CLSTN2: variants seen among roughly 807,000 people sequenced by gnomAD.
The protein encoded by CLSTN2 is calsyntenin-2.
CLSTN2 carries 48 observed loss-of-function variants against 101.2 expected under a neutral mutation model. That is an observed-to-expected ratio of 0.47 (90% CI 0.38 to 0.60). CLSTN2 has a LOEUF of 0.60. Ranked by LOEUF, CLSTN2 falls within the 20% of genes least tolerant of loss-of-function variation. CLSTN2 has a pLI of 0.00. For synonymous variants in CLSTN2, 481 were observed against 463.6 expected, an observed-to-expected ratio of 1.04 and a Z score of -0.48; for missense variants, 1,160 against 1,238.2, an observed-to-expected ratio of 0.94 and a Z score of 0.95.
chr3:140,528,739 T>C (rs1009945782), intron 8 of CLSTN2, among the ~76,000 whole-genome samples: 1 of 152,178 alleles, frequency 6.6e-6, no homozygotes, highest in African/African-American at 2.4e-5. Flanking sequence ...AGTTCTTCAA[T>C]ATCCACCCTA....
intron 5 of CLSTN2, among the ~76,000 whole-genome samples, chr3:140,423,744 C>T (rs1559865669): frequency 1.3e-5 from 2 of 152,208 alleles, no homozygotes; most frequent in Non-Finnish European, 2.9e-5. Flanking sequence ...TACCAGCTCA[C>T]ATTCCTTTCC....
chr3:140,470,780 G>GGGGA (rs1315886683), intron 8 of CLSTN2, among the ~76,000 whole-genome samples: 32 of 152,116 alleles, frequency 2.1e-4, no homozygotes, highest in African/African-American at 7.5e-4. Context: ...TAACTCATGC[G>GGGGA]GGGCCATTGA....
At chr3:140,269,919 G>A (rs1576493033) in intron 2 of CLSTN2, among the ~76,000 whole-genome samples, 2 of 150,930 alleles carry the variant, frequency 1.3e-5, no homozygotes, top group African/African-American at 2.5e-5. Flanking sequence ...ATCTCAGAGA[G>A]GTTTTGTGAG....
At chr3:140,332,915 G>A (rs1458830435) in intron 2 of CLSTN2, among the ~76,000 whole-genome samples, 1 of 152,154 alleles carries the variant, frequency 6.6e-6, no homozygotes, top group Non-Finnish European at 1.5e-5. Context: ...TTGGGTCTTA[G>A]TGTCTTACTG....
At chr3:140,385,301 A>T (rs1414444608) in intron 2 of CLSTN2, among the ~76,000 whole-genome samples, 1 of 145,090 alleles carries the variant, frequency 6.9e-6, no homozygotes, top group African/African-American at 2.5e-5. Context: ...CACTCTCATG[A>T]TGGCTCAAAA....
At chr3:140,152,095 A>G (rs1209996065) in intron 1 of CLSTN2, among the ~76,000 whole-genome samples, 1 of 152,202 alleles carries the variant, frequency 6.6e-6, no homozygotes, top group Non-Finnish European at 1.5e-5. Context: ...CTACAAAATT[A>G]CATCTGTTAG....
intron 2 of CLSTN2, among the ~76,000 whole-genome samples, chr3:140,311,327 A>G (rs2087165894): frequency 1.7e-5 from 1 of 57,980 alleles, no homozygotes; most frequent in Non-Finnish European, 2.8e-5. Context: ...TTTTTTTGAG[A>G]CAGAGTCTCT....
chr3:140,447,229 C>G (rs1300200051), intron 5 of CLSTN2, among the ~76,000 whole-genome samples: 2 of 152,204 alleles, frequency 1.3e-5, no homozygotes, highest in East Asian at 3.9e-4. Context: ...TTCTATGTGA[C>G]AAACATTTGG....
At chr3:140,270,324 G>C (rs1214695769) in intron 2 of CLSTN2, among the ~76,000 whole-genome samples, 1 of 152,164 alleles carries the variant, frequency 6.6e-6, no homozygotes, top group Non-Finnish European at 1.5e-5. Context: ...TGGCCCCAGA[G>C]CCTGGGTTCC....
At chr3:140,380,505 A>C (rs987049656) in intron 2 of CLSTN2, among the ~76,000 whole-genome samples, 1 of 152,240 alleles carries the variant, frequency 6.6e-6, no homozygotes, top group African/African-American at 2.4e-5. Context: ...TCTGCAATTC[A>C]TCCAAGTTTT....
rs568683967 is a variant in CLSTN2, at chr3:140,032,950, G to A, written c.109+97467G>A. Reference sequence around the variant, plus strand: ...GAGGCAGACTGACCCTTACAGTAGAGCAAGGACATTAAAGTGAGACAGTAC... The same window carrying A: ...GAGGCAGACTGACCCTTACAGTAGAACAAGGACATTAAAGTGAGACAGTAC... On this transcript the variant is annotated intron_variant, in intron 1 of 16. Coordinates refer to ENST00000458420, the MANE Select transcript of CLSTN2 (RefSeq NM_022131.3). Among the ~76,000 whole-genome samples, 10 of 152,342 alleles carry A rather than the reference G, an allele frequency of 6.6e-5. No homozygotes were observed. In the South Asian group the frequency reaches 2.1e-3, roughly 32 times the overall value.
Position 140,477,030 on chromosome 3 carries a change from T to C in CLSTN2, c.1344+10299T>C, listed in dbSNP as rs1045381662. On this transcript the variant is annotated intron_variant, in intron 8 of 16. Coordinates refer to ENST00000458420, the MANE Select transcript of CLSTN2 (RefSeq NM_022131.3). ...GGTAATGAGAAGGCTGTTCATTCCA[T>C]AAGACAAAAGAAGGCTGGAGCCAAC... Among the ~76,000 whole-genome samples the C allele has an allele frequency of 3.3e-5, 5 of 152,254 alleles. No individual in the cohort carries two copies. The East Asian group carries it at 9.7e-4, about 29-fold the overall frequency.
intron 1 of CLSTN2, among the ~76,000 whole-genome samples, chr3:140,158,489 A>C (rs1381706323): frequency 6.6e-6 from 1 of 152,164 alleles, no homozygotes; most frequent in Non-Finnish European, 1.5e-5. Context: ...ACAGCTCATC[A>C]AGGAGATGAA....
At chr3:140,102,581 T>C (rs1228900498) in intron 1 of CLSTN2, among the ~76,000 whole-genome samples, 1 of 152,230 alleles carries the variant, frequency 6.6e-6, no homozygotes, top group Non-Finnish European at 1.5e-5. Context: ...AGGAAGTAAT[T>C]TCCTTATGCA....
chr3:140,270,207 C>A (rs2086729626), intron 2 of CLSTN2, among the ~76,000 whole-genome samples: 2 of 152,272 alleles, frequency 1.3e-5, no homozygotes, highest in East Asian at 1.9e-4. Context: ...TTGCCTCTTA[C>A]CTGTGATACT....
At chr3:140,052,702 TTTCA>T (rs1448246586) in intron 1 of CLSTN2, among the ~76,000 whole-genome samples, 2 of 152,192 alleles carry the variant, frequency 1.3e-5, no homozygotes, top group Non-Finnish European at 2.9e-5. Context: ...AGCGTAGCCC[TTTCA>T]TTCTTCTCCT....
chr3:140,294,197 C>T (rs529807965), intron 2 of CLSTN2, among the ~76,000 whole-genome samples: 9 of 152,260 alleles, frequency 5.9e-5, no homozygotes, highest in African/African-American at 1.4e-4. Flanking sequence ...CTAGCTTCTG[C>T]GAGCCTCAGC....
intron 6 of CLSTN2, among the ~76,000 whole-genome samples, chr3:140,458,818 A>T (rs1432459808): frequency 6.6e-6 from 1 of 152,218 alleles, no homozygotes; most frequent in Non-Finnish European, 1.5e-5. Flanking sequence ...TGGAAAGAGG[A>T]AACAGAGTCA....
At chr3:140,419,106 C>G (rs2088464556) in intron 4 of CLSTN2, among the ~76,000 whole-genome samples, 1 of 151,822 alleles carries the variant, frequency 6.6e-6, no homozygotes, top group African/African-American at 2.4e-5. Context: ...TCCATGTTCT[C>G]TCAATATGCA....
Sources: allele counts gnomAD v4.1 joint callset (sites outside exome capture counted in the v4.1 genomes callset), GRCh38; gene constraint gnomAD v4.1.1; transcripts MANE v1.5; gene names NCBI Gene and HGNC (gene_info 2026-07-23, HGNC 2026-07-21).